GATM: variants seen among roughly 807,000 people sequenced by gnomAD.
The protein encoded by GATM is glycine amidinotransferase, mitochondrial.
GATM carries 23 observed loss-of-function variants against 54.2 expected under a neutral mutation model. That is an observed-to-expected ratio of 0.42 (90% CI 0.31 to 0.60). The LOEUF is 0.60. Among genes scored for constraint, GATM ranks in the 20% least tolerant of loss-of-function variants. The pLI is 0.14. For synonymous variants in GATM, 168 were observed against 183.1 expected, an observed-to-expected ratio of 0.92 and a Z score of 0.67; for missense variants, 401 against 544.9, an observed-to-expected ratio of 0.74 and a Z score of 2.63.
intron 7 of GATM, 95 bp downstream of exon 7, chr15:45,364,702 T>C: frequency 9.1e-7 from 1 of 1,093,432 alleles, no homozygotes; most frequent in Non-Finnish European, 1.4e-6. Context: ...ACACATTCTC[T>C]AAGCTGCTAA....
chr15:45,364,243 G>A (rs1264887724), intron 7 of GATM: 2 of 529,498 alleles, frequency 3.8e-6, no homozygotes, highest in African/African-American at 3.8e-5. Context: ...TCATATCTTG[G>A]CTGGGCATGG....
At chr15:45,379,699 T>A (rs950175498), upstream of GATM, 1 of 152,318 alleles carries the variant, frequency 6.6e-6, no homozygotes, top group Non-Finnish European at 1.5e-5. Flanking sequence ...GCATTAGAGC[T>A]GTATGAGGCC....
rs202225656 is a variant in GATM at position 45,366,492 on chromosome 15, G to T, written c.692C>A (p.Ser231Tyr). 10 of 1,614,086 alleles carry T rather than the reference G, an allele frequency of 6.2e-6. No homozygotes were observed. The highest frequency in any genetic ancestry group is 2.2e-5 in the East Asian group (1 of 44,878). ...AGCCAATTTGTGTCTGTCTTCTACA[G>T]AGTGGATGGGATAATCCTAATTGGA... ...ELYNQDYPIH[S>Y]VEDRHKLAAQ... The change falls in exon 5 of 9, where the codon TCT becomes TAT. Residue 231 changes from serine to tyrosine, a missense_variant. Coordinates refer to ENST00000396659, the MANE Select transcript of GATM (RefSeq NM_001482.3).
At chr15:45,383,924 G>C (rs1303167426) in intron 3 of GATM, among the ~76,000 whole-genome samples, 1 of 152,180 alleles carries the variant, frequency 6.6e-6, no homozygotes, top group African/African-American at 2.4e-5. Context: ...CCAGATAAGA[G>C]CTTCACATGT....
Position 45,377,075 on chromosome 15 carries a change from G to A in GATM, c.70-256C>T, listed in dbSNP as rs1292900179. The A allele has an allele frequency of 2.4e-5, 12 of 507,962 alleles. No homozygotes were observed. The Admixed American group carries it at 3.3e-4, about 14-fold the overall frequency. 31.5% of individuals were successfully genotyped at this position (507,962 alleles called of 1,614,324 possible). A position where few individuals can be genotyped will look rare whatever the true frequency, so the allele number is the denominator to read the frequency against. ...TCTTTAAAACTCCTCAGAAGACCGTGTCCCCAGCTACCATACACCCCCATC... is the reference window on the plus strand; with the variant it reads ...TCTTTAAAACTCCTCAGAAGACCGTATCCCCAGCTACCATACACCCCCATC... On this transcript the variant is annotated intron_variant, in intron 1 of 8. Transcript: ENST00000396659.
chr15:45,369,599 CTCTT>C (rs1256088354), intron 2 of GATM, 78 bp from the exon 3 acceptor site: 2 of 1,263,446 alleles, frequency 1.6e-6, no homozygotes, highest in Non-Finnish European at 2.3e-6. Context: ...CAGTAAACAG[CTCTT>C]TGTATAAGGT....
At chr15:45,397,712 G>A (rs1889949871) in intron 2 of GATM, among the ~76,000 whole-genome samples, 1 of 152,208 alleles carries the variant, frequency 6.6e-6, no homozygotes, top group South Asian at 2.1e-4. Flanking sequence ...GGGGTCATGG[G>A]AAGCCCAATT....
At chr15:45,366,834 CCTAA>C (rs1889457535) in intron 4 of GATM, among the ~76,000 whole-genome samples, 1 of 152,178 alleles carries the variant, frequency 6.6e-6, no homozygotes, top group Non-Finnish European at 1.5e-5. Context: ...ACCACATTCA[CCTAA>C]CTTTTAGTAA....
Position 45,378,366 on chromosome 15 carries a change from A to T in GATM, c.69+19T>A. 1.3e-6 allele frequency: 2 copies of T among 1,510,804 alleles called. No individual in the cohort carries two copies. The highest frequency in any genetic ancestry group is 1.8e-6 in the Non-Finnish European group (2 of 1,134,102). The allele number at this position is 1,510,804 out of a possible 1,614,324, so 93.6% of individuals were successfully genotyped here. On this transcript the variant is annotated intron_variant, in intron 1 of 8. Transcript: ENST00000396659. ...GAGTGAGTCACGCGGCCGCCAGACG[A>T]GGCCGGTGGCGCACGCACCCGAGAT...
At chr15:45,385,053 C>A (rs1048767215) in intron 3 of GATM, among the ~76,000 whole-genome samples, 1 of 152,122 alleles carries the variant, frequency 6.6e-6, no homozygotes, top group African/African-American at 2.4e-5. Context: ...TCAGACAGTG[C>A]GTATCTAGAC....
At position 45,370,550 on chromosome 15, in the gene GATM, T is replaced by C. The variant is rs547033651; in HGVS notation, c.289-1029A>G. On this transcript the variant is annotated intron_variant, in intron 2 of 8. Transcript: ENST00000396659. ...CTCTCCTTTTTCTAATCCATTCAGC[T>C]CTCACATCTCTTCAAGTCTTTTTGT... 1.5e-4 allele frequency among the ~76,000 whole-genome samples: 23 copies of C among 152,272 alleles called. No homozygotes were observed. In the South Asian group the frequency reaches 3.5e-3, roughly 23 times the overall value.
At chr15:45,384,984 AG>A (rs1432066409) in intron 3 of GATM, among the ~76,000 whole-genome samples, 1 of 152,184 alleles carries the variant, frequency 6.6e-6, no homozygotes, top group Non-Finnish European at 1.5e-5. Flanking sequence ...ATGAGATTAC[AG>A]GTGTGAGCCA....
In GATM at chr15:45,364,688, G is replaced by A. The variant is rs566832961; in HGVS notation, c.1042+109C>T. ...CAAGCACCACTTCACACCTTACTGA[G>A]GAAACACATTCTCTAAGCTGCTAAC... is the stretch of plus-strand genomic sequence containing the variant. On this transcript the variant is annotated intron_variant, in intron 7 of 8. Coordinates refer to ENST00000396659, the MANE Select transcript of GATM (RefSeq NM_001482.3). 4.5e-5 allele frequency: 45 copies of A among 995,950 alleles called. No individual in the cohort carries two copies. In the African/African-American group the frequency reaches 5.8e-4, roughly 13 times the overall value. The allele number at this position is 995,950 out of a possible 1,614,324, so 61.7% of individuals were successfully genotyped here. A position where few individuals can be genotyped will look rare whatever the true frequency, so the allele number is the denominator to read the frequency against.
chr15:45,378,067 A>G, intron 1 of GATM: 1 of 313,322 alleles, frequency 3.2e-6, no homozygotes. Context: ...CAGCGCACCA[A>G]GGTCCGGTAG....
chr15:45,364,068 G>T, intron 7 of GATM, 52 bp from the exon 8 acceptor site: 2 of 1,062,808 alleles, frequency 1.9e-6, no homozygotes, highest in Non-Finnish European at 2.9e-6. Context: ...TTTGTTTAAA[G>T]CAAGGATTTA....
upstream of GATM, among the ~76,000 whole-genome samples, chr15:45,382,299 G>C (rs1199676078): frequency 1.3e-5 from 2 of 152,174 alleles, no homozygotes; most frequent in African/African-American, 4.8e-5. Flanking sequence ...TGGCATAGGG[G>C]AGTTACCCTG....
At chr15:45,377,205 G>A (rs1017708410) in intron 1 of GATM, 2 of 487,106 alleles carry the variant, frequency 4.1e-6, no homozygotes, top group East Asian at 5.9e-5. Context: ...AAAACTTCCC[G>A]CCAGTCTCAG....
At chr15:45,371,823 C>G (rs191210662) in intron 2 of GATM, among the ~76,000 whole-genome samples, 40 of 152,320 alleles carry the variant, frequency 2.6e-4, no homozygotes, top group Admixed American at 1.5e-3. Context: ...GTCCCAATGG[C>G]TTTTACTCAT....
chr15:45,376,551 G>A (rs760901914), intron 2 of GATM, 50 bp downstream of exon 2: 2 of 1,468,106 alleles, frequency 1.4e-6, no homozygotes, highest in South Asian at 1.1e-5. Flanking sequence ...GGTAGCAGCA[G>A]CAGGTGAGGA....
Sources: allele counts gnomAD v4.1 joint callset (sites outside exome capture counted in the v4.1 genomes callset), GRCh38; gene constraint gnomAD v4.1.1; transcripts MANE v1.5; gene names NCBI Gene and HGNC (gene_info 2026-07-23, HGNC 2026-07-21).